The following MIPEP variants were observed in gnomAD, a reference collection of about 807,000 sequenced individuals.
MIPEP encodes mitochondrial intermediate peptidase.
MIPEP carries 79 observed loss-of-function variants against 90.3 expected under a neutral mutation model. That is an observed-to-expected ratio of 0.87 (90% CI 0.73 to 1.05). The LOEUF (loss-of-function observed/expected upper bound fraction) is 1.05, where lower values mean the gene tolerates loss of function less well. Among genes scored for constraint, MIPEP ranks in the 50% least tolerant of loss-of-function variants. The pLI is 0.00. For synonymous variants in MIPEP, 334 were observed against 315.8 expected (o/e 1.06, Z -0.61); for missense variants, 940 against 905.6 (o/e 1.04, Z -0.49).
At chr13:23,760,324 A>G (rs1952528564) in intron 16 of MIPEP, 107 bp from the exon 17 acceptor site, 2 of 1,452,672 alleles carry the variant, frequency 1.4e-6, no homozygotes, top group Non-Finnish European at 1.9e-6. Context: ...AAATGCTTTC[A>G]TTTGCATTTT....
intron 8 of MIPEP, among the ~76,000 whole-genome samples, chr13:23,863,189 A>G (rs753589116): frequency 7.9e-5 from 12 of 152,214 alleles, no homozygotes; most frequent in Non-Finnish European, 1.6e-4. Context: ...AGAAAACATC[A>G]TCCTTTTTTA....
At chr13:23,851,829 G>T (rs779756237) in intron 10 of MIPEP, among the ~76,000 whole-genome samples, 12 of 152,094 alleles carry the variant, frequency 7.9e-5, no homozygotes, top group Non-Finnish European at 1.0e-4. Flanking sequence ...AAGTCGCTGG[G>T]ATTACAGACA....
chr13:23,792,989 A>G (rs979852612), intron 16 of MIPEP, among the ~76,000 whole-genome samples: 5 of 152,236 alleles, frequency 3.3e-5, no homozygotes, highest in African/African-American at 1.2e-4. Context: ...GATGAAGCAA[A>G]TATCCAAATA....
chr13:23,791,554 C>G (rs1952898229), intron 16 of MIPEP, among the ~76,000 whole-genome samples: 1 of 152,184 alleles, frequency 6.6e-6, no homozygotes, highest in Non-Finnish European at 1.5e-5. Flanking sequence ...AGGCTGTGCT[C>G]TCGGGCTCTA....
At chr13:23,878,222 G>A (rs1243174249) in intron 4 of MIPEP, among the ~76,000 whole-genome samples, 2 of 152,202 alleles carry the variant, frequency 1.3e-5, no homozygotes, top group Non-Finnish European at 2.9e-5. Flanking sequence ...GCTAATGAAA[G>A]CAATATAACG....
chr13:23,852,339 A>G (rs577087675), intron 10 of MIPEP, among the ~76,000 whole-genome samples: 2 of 152,364 alleles, frequency 1.3e-5, no homozygotes, highest in East Asian at 1.9e-4. Flanking sequence ...TTATGTAAGA[A>G]GATGTTCATC....
chr13:23,881,991 T>A (rs1433443695), intron 2 of MIPEP, among the ~76,000 whole-genome samples: 3 of 152,152 alleles, frequency 2.0e-5, no homozygotes, highest in Admixed American at 6.5e-5. Flanking sequence ...ACCAAGTTTG[T>A]TTCACTCCAA....
chr13:23,753,269 G>C (rs974713299), intron 18 of MIPEP, among the ~76,000 whole-genome samples: 1 of 151,174 alleles, frequency 6.6e-6, no homozygotes, highest in African/African-American at 2.4e-5. Context: ...AAAAAAAGAA[G>C]TGTTTTGAAG....
At chr13:23,806,200 C>T (rs1318409784) in intron 15 of MIPEP, 131 bp from the exon 16 acceptor site, 2 of 913,770 alleles carry the variant, frequency 2.2e-6, no homozygotes, top group East Asian at 4.9e-5. Flanking sequence ...CAAAAATAAA[C>T]TTACATGGTT....
Position 23,841,372 on chromosome 13 carries a change from G to A in MIPEP, c.1223C>T (p.Ala408Val), listed in dbSNP as rs748443781. The A allele has an allele frequency of 1.9e-6, 3 of 1,613,480 alleles. No individual in the cohort carries two copies. The African/African-American group carries it at 4.0e-5, about 22-fold the overall frequency. The change falls in exon 11 of 19, where the codon GCA (alanine) becomes GTA (valine). Residue 408 changes from alanine (A) to valine (V), a missense_variant. Transcript: ENST00000382172. ...LGISLYAEQPAKGEVWSEDVR... is the reference protein window; with the variant it reads ...LGISLYAEQPVKGEVWSEDVR... ...ATCTTCGCTCCACACCTCTCCTTTT[G>A]CAGGCTGCTCTGCATATAATGAAAT...
intron 18 of MIPEP, among the ~76,000 whole-genome samples, chr13:23,743,509 A>T (rs1159192294): frequency 6.6e-6 from 1 of 152,228 alleles, no homozygotes; most frequent in Non-Finnish European, 1.5e-5. Context: ...TGAACTAAAA[A>T]GACTCTGCTG....
intron 16 of MIPEP, among the ~76,000 whole-genome samples, chr13:23,800,519 A>C (rs1317667233): frequency 2.0e-5 from 3 of 152,198 alleles, no homozygotes; most frequent in African/African-American, 7.2e-5. Context: ...CTATTCACAA[A>C]TGAGTAGAAA....
chr13:23,776,892 T>C (rs1176868500), intron 16 of MIPEP, among the ~76,000 whole-genome samples: 1 of 152,116 alleles, frequency 6.6e-6, no homozygotes, highest in Non-Finnish European at 1.5e-5. Flanking sequence ...AGATTTGTGG[T>C]ACTTTTGTTT....
chr13:23,841,152 T>A (rs1458208137), intron 11 of MIPEP, among the ~76,000 whole-genome samples, 183 bp downstream of exon 11: 1 of 152,238 alleles, frequency 6.6e-6, no homozygotes, highest in Non-Finnish European at 1.5e-5. Flanking sequence ...TGTTTTATGT[T>A]TGGATCCTTT....
chr13:23,836,000 T>C (rs1482640310), intron 14 of MIPEP, among the ~76,000 whole-genome samples: 1 of 152,168 alleles, frequency 6.6e-6, no homozygotes, highest in Non-Finnish European at 1.5e-5. Context: ...GACTAAATGG[T>C]AGATTACCAG....
intron 14 of MIPEP, among the ~76,000 whole-genome samples, chr13:23,831,942 T>G (rs1868789178): frequency 6.6e-6 from 1 of 152,068 alleles, no homozygotes; most frequent in South Asian, 2.1e-4. Flanking sequence ...AAGAACCCAA[T>G]ATTTGTAAAG....
rs780557309 is a variant in MIPEP at position 23,881,805 on chromosome 13, C to A, written c.364-18G>T. The A allele has an allele frequency of 1.8e-5, 29 of 1,591,694 alleles. No individual in the cohort carries two copies. The highest frequency in any genetic ancestry group is 2.4e-5 in the Non-Finnish European group (28 of 1,161,160). On this transcript the variant is annotated intron_variant, in intron 2 of 18. Coordinates refer to ENST00000382172, the MANE Select transcript of MIPEP (RefSeq NM_005932.4). ...AAATCAGCCTAATAAAGGGGAAAGA[C>A]AAAACCAAAAGGGAATTTGATGAGA...
At chr13:23,864,028 A>G in intron 8 of MIPEP, 113 bp downstream of exon 8, 1 of 620,280 alleles carries the variant, frequency 1.6e-6, no homozygotes, top group Non-Finnish European at 2.8e-6. Flanking sequence ...GTCTGGTCCA[A>G]TATGCCAAAA....
At chr13:23,749,151 T>C (rs1279772523) in intron 18 of MIPEP, among the ~76,000 whole-genome samples, 5 of 152,250 alleles carry the variant, frequency 3.3e-5, no homozygotes, top group African/African-American at 4.8e-5. Context: ...AGTATCTGTG[T>C]ATACCTTTTG....
Sources: allele counts gnomAD v4.1 joint callset (sites outside exome capture counted in the v4.1 genomes callset), GRCh38; gene constraint gnomAD v4.1.1; transcripts MANE v1.5; gene names NCBI Gene and HGNC (gene_info 2026-07-23, HGNC 2026-07-21).